The following CADM2 variants were observed in gnomAD, a reference collection of about 807,000 sequenced individuals.
CADM2 encodes cell adhesion molecule 2.
Under a neutral mutation model 49.8 loss-of-function variants are expected in CADM2, and 12 were observed. That is an observed-to-expected ratio of 0.24 (90% CI 0.15 to 0.39). CADM2 has a LOEUF of 0.39. CADM2 is among the 10% of genes least tolerant of loss of function. CADM2 has a pLI of 1.00. For synonymous variants in CADM2, 214 were observed against 175.4 expected (o/e 1.22, Z -1.74); for missense variants, 378 against 492.3 (o/e 0.77, Z 2.20).
At position 85,961,655 on chromosome 3, in the gene CADM2, A is replaced by G. The variant is rs765357010; in HGVS notation, c.970+8A>G. 1 of 1,520,344 alleles carries G rather than the reference A, an allele frequency of 6.6e-7. No individual in the cohort carries two copies. Among genetic ancestry groups the G allele is most frequent in the Non-Finnish European group, 8.9e-7 (1 of 1,118,590 alleles). 94.2% of individuals were successfully genotyped at this position (1,520,344 alleles called of 1,614,324 possible). A position where few individuals can be genotyped will look rare whatever the true frequency, so the allele number is the denominator to read the frequency against. On this transcript the variant is annotated splice_region_variant and intron_variant, in intron 8 of 9. Coordinates refer to ENST00000383699, the MANE Select transcript of CADM2 (RefSeq NM_001167675.2). ...ATGTTCTCATTGTGCATGGTGAGTA[A>G]ATTTTGGAAAACATTATATGTGAAA...
At chr3:85,748,105 A>C (rs1457113217) in intron 2 of CADM2, among the ~76,000 whole-genome samples, 2 of 152,108 alleles carry the variant, frequency 1.3e-5, no homozygotes, top group Non-Finnish European at 2.9e-5. Flanking sequence ...TTATAAATTG[A>C]GAACTTTTCC....
intron 1 of CADM2, among the ~76,000 whole-genome samples, chr3:85,238,048 T>C (rs2042446417): frequency 6.6e-6 from 1 of 151,964 alleles, no homozygotes; most frequent in Non-Finnish European, 1.5e-5. Flanking sequence ...TAACACCTAC[T>C]TGATATTGAG....
chr3:85,968,582 AT>A (rs1725740356), intron 8 of CADM2, among the ~76,000 whole-genome samples: 1 of 151,678 alleles, frequency 6.6e-6, no homozygotes, highest in African/African-American at 2.4e-5. Flanking sequence ...CAATTTCATC[AT>A]TAAAAAAATA....
intron 8 of CADM2, among the ~76,000 whole-genome samples, chr3:86,051,037 A>G (rs543708197): frequency 5.3e-5 from 8 of 152,156 alleles, no homozygotes; most frequent in Non-Finnish European, 1.2e-4. Flanking sequence ...CCAGGTTGAA[A>G]ATTTTCCAAG....
At chr3:85,644,470 A>G (rs2064825867) in intron 1 of CADM2, among the ~76,000 whole-genome samples, 1 of 152,148 alleles carries the variant, frequency 6.6e-6, no homozygotes, top group African/African-American at 2.4e-5. Context: ...CAGTGTTTCT[A>G]TACAAAACAA....
chr3:85,807,499 C>CAAAAAAAAAA (rs60644652), intron 3 of CADM2, among the ~76,000 whole-genome samples: 1 of 82,238 alleles, frequency 1.2e-5, no homozygotes, highest in East Asian at 2.9e-4. Context: ...AACTCCGTCT[C>CAAAAAAAAAA]AAAAAAAAAA....
intron 5 of CADM2, among the ~76,000 whole-genome samples, chr3:85,901,696 T>C (rs1716141826): frequency 6.6e-6 from 1 of 152,142 alleles, no homozygotes; most frequent in South Asian, 2.1e-4. Flanking sequence ...TACAATTTAA[T>C]AGTTTTTAGT....
chr3:86,065,433 C>A (rs1254159297), intron 8 of CADM2, among the ~76,000 whole-genome samples, 172 bp from the exon 9 acceptor site: 3 of 152,152 alleles, frequency 2.0e-5, no homozygotes, highest in African/African-American at 7.2e-5. Context: ...AATGTTATAT[C>A]CCCAGATACC....
chr3:85,412,908 G>T (rs919869119), intron 1 of CADM2, among the ~76,000 whole-genome samples: 1 of 151,558 alleles, frequency 6.6e-6, no homozygotes, highest in Non-Finnish European at 1.5e-5. Context: ...TTGGGAGGCC[G>T]AGGCGGGCGG....
At chr3:85,608,451 C>G (rs1322523907) in intron 1 of CADM2, among the ~76,000 whole-genome samples, 1 of 152,052 alleles carries the variant, frequency 6.6e-6, no homozygotes, top group East Asian at 1.9e-4. Flanking sequence ...TTTCTTTAAA[C>G]TTTGTGGTAC....
intron 1 of CADM2, among the ~76,000 whole-genome samples, chr3:85,114,904 T>C (rs1365446216): frequency 6.6e-6 from 1 of 152,176 alleles, no homozygotes; most frequent in Admixed American, 6.6e-5. Context: ...TAGATCTTAG[T>C]TCATATATAG....
chr3:85,034,878 C>T (rs1447329970), intron 1 of CADM2, among the ~76,000 whole-genome samples: 1 of 145,632 alleles, frequency 6.9e-6, no homozygotes, highest in African/African-American at 2.5e-5. Context: ...TTTTGGCTCA[C>T]TGCAACCTCC....
chr3:85,265,516 A>G (rs554896572), intron 1 of CADM2, among the ~76,000 whole-genome samples: 1 of 152,100 alleles, frequency 6.6e-6, no homozygotes, highest in African/African-American at 2.4e-5. Context: ...GGTTGAACTC[A>G]TTTTTATAAC....
At chr3:86,064,053 A>G (rs1739021512) in intron 8 of CADM2, among the ~76,000 whole-genome samples, 2 of 150,072 alleles carry the variant, frequency 1.3e-5, no homozygotes, top group South Asian at 2.1e-4. Flanking sequence ...TTTAATATAT[A>G]TATATACATT....
chr3:85,074,996 G>A lies in CADM2; in HGVS notation c.61+115328G>A, dbSNP rs1277617389. The stretch of plus-strand genomic sequence containing the variant: ...GATGCAATTTAGCATAGCTCAGTAA[G>A]CAACCTGATGCTGTACATATTTGCA... On this transcript the variant is annotated intron_variant, in intron 1 of 9. Transcript: ENST00000383699. 2.6e-5 allele frequency among the ~76,000 whole-genome samples: 4 copies of A among 151,812 alleles called. No individual in the cohort carries two copies. In the South Asian group the frequency reaches 6.3e-4, roughly 24 times the overall value.
intron 8 of CADM2, among the ~76,000 whole-genome samples, chr3:86,044,590 G>T (rs1736404066): frequency 6.6e-6 from 1 of 152,160 alleles, no homozygotes; most frequent in Admixed American, 6.5e-5. Context: ...TGGAGAAATA[G>T]GAACACTTTT....
chr3:85,890,634 A>C (rs1206834366), intron 5 of CADM2, among the ~76,000 whole-genome samples: 1 of 152,136 alleles, frequency 6.6e-6, no homozygotes, highest in Non-Finnish European at 1.5e-5. Context: ...CTATTATTAT[A>C]AGGCTGTGAC....
At chr3:85,939,468 A>AACACACAAACACAC in intron 7 of CADM2, among the ~76,000 whole-genome samples, 1 of 137,080 alleles carries the variant, frequency 7.3e-6, no homozygotes, top group East Asian at 2.3e-4. Flanking sequence ...AGTAAACGAA[A>AACACACAAACACAC]ACACACACAC....
intron 1 of CADM2, among the ~76,000 whole-genome samples, chr3:85,121,467 C>A (rs1295323459): frequency 2.6e-5 from 4 of 152,018 alleles, no homozygotes; most frequent in African/African-American, 4.8e-5. Context: ...GGAAAGTGAT[C>A]TGCAAAGGAT....
Sources: allele counts gnomAD v4.1 joint callset (sites outside exome capture counted in the v4.1 genomes callset), GRCh38; gene constraint gnomAD v4.1.1; transcripts MANE v1.5; gene names NCBI Gene and HGNC (gene_info 2026-07-23, HGNC 2026-07-21).